Variants in SLC35F3 observed in about 807,000 individuals in gnomAD.
SLC35F3 encodes the protein putative thiamine transporter SLC35F3.
Under a neutral mutation model 49.9 loss-of-function variants are expected in SLC35F3, and 25 were observed. That is an observed-to-expected ratio of 0.50 (90% confidence interval 0.37 to 0.70). The LOEUF is 0.70. Among genes scored for constraint, SLC35F3 ranks in the 30% least tolerant of loss-of-function variants. The pLI, the probability that SLC35F3 is intolerant of heterozygous loss-of-function variation, is 0.00. For missense variants in SLC35F3, 525 were observed against 639.8 expected, an observed-to-expected ratio of 0.82 and a Z score of 1.94; for synonymous variants, 275 against 265.4, an observed-to-expected ratio of 1.04 and a Z score of -0.35.
intron 2 of SLC35F3, among the ~76,000 whole-genome samples, chr1:234,188,756 A>G (rs952634432): frequency 5.9e-5 from 9 of 152,068 alleles, no homozygotes; most frequent in African/African-American, 1.9e-4. Context: ...CAGAACTACA[A>G]TAAACAACAA....
intron 2 of SLC35F3, among the ~76,000 whole-genome samples, chr1:233,914,154 C>G (rs1661930544): frequency 6.6e-6 from 1 of 151,616 alleles, no homozygotes; most frequent in African/African-American, 2.4e-5. Context: ...TAGATTAGAC[C>G]AGGGGTAGAC....
chr1:234,244,524 G>C (rs1049437453), intron 3 of SLC35F3, among the ~76,000 whole-genome samples: 2 of 152,092 alleles, frequency 1.3e-5, no homozygotes, highest in African/African-American at 4.8e-5. Context: ...ATAAGAAGCT[G>C]TTCCTCTATC....
At chr1:233,931,118 C>T (rs955248104) in intron 2 of SLC35F3, among the ~76,000 whole-genome samples, 1 of 152,148 alleles carries the variant, frequency 6.6e-6, no homozygotes, top group African/African-American at 2.4e-5. Context: ...CTTTCTTACA[C>T]CTTATACAAA....
chr1:233,972,008 G>A (rs1663001940), intron 2 of SLC35F3, among the ~76,000 whole-genome samples: 3 of 152,218 alleles, frequency 2.0e-5, no homozygotes, highest in Admixed American at 1.3e-4. Context: ...CAGGGACCCT[G>A]GAGGTGAGGG....
At chr1:233,912,206 G>A (rs906327665) in intron 2 of SLC35F3, among the ~76,000 whole-genome samples, 1 of 152,254 alleles carries the variant, frequency 6.6e-6, no homozygotes, top group Admixed American at 6.5e-5. Flanking sequence ...TTCGCCGTGC[G>A]CGGTGGCTCA....
In SLC35F3 at chr1:234,214,793, G is replaced by C; in HGVS notation, c.284-16624G>C. On this transcript the variant is annotated intron_variant, in intron 2 of 7. Transcript: ENST00000366618. The surrounding 1 kb of genome is among the most constrained non-coding windows in gnomAD (Gnocchi z 8.0). ...GCGAGCAGGAGTGAGCTGCTGCGGCGAGTGAGCACCCGGCTCCCCAACCCT... is the reference window on the plus strand; with the variant it reads ...GCGAGCAGGAGTGAGCTGCTGCGGCCAGTGAGCACCCGGCTCCCCAACCCT... 1 of 536,214 alleles carries C rather than the reference G, an allele frequency of 1.9e-6. No individual in the cohort carries two copies. The highest frequency in any genetic ancestry group is 3.0e-6 in the Non-Finnish European group (1 of 331,222). 33.2% of individuals were successfully genotyped at this position (536,214 alleles called of 1,614,324 possible).
intron 2 of SLC35F3, among the ~76,000 whole-genome samples, chr1:234,060,656 T>G (rs1664526531): frequency 2.0e-5 from 3 of 152,170 alleles, no homozygotes; most frequent in Admixed American, 1.3e-4. Context: ...TTTACCATGT[T>G]GCCCAGTCTG....
At chr1:234,192,050 C>A (rs1055845579) in intron 2 of SLC35F3, among the ~76,000 whole-genome samples, 4 of 152,002 alleles carry the variant, frequency 2.6e-5, no homozygotes, top group South Asian at 2.1e-4. Flanking sequence ...TGGTACCAAT[C>A]CTATTAACAC....
At chr1:234,039,639 A>G (rs1027267778) in intron 2 of SLC35F3, among the ~76,000 whole-genome samples, 1 of 152,168 alleles carries the variant, frequency 6.6e-6, no homozygotes, top group Admixed American at 6.5e-5. Flanking sequence ...CTGCAGCATG[A>G]CAGTTAGTGA....
At chr1:233,997,397 C>T (rs1223133579) in intron 2 of SLC35F3, among the ~76,000 whole-genome samples, 1 of 152,294 alleles carries the variant, frequency 6.6e-6, no homozygotes, top group East Asian at 1.9e-4. Context: ...TTCCTTTTCT[C>T]CACCTCCTCA....
intron 2 of SLC35F3, among the ~76,000 whole-genome samples, chr1:234,125,207 G>A (rs893320622): frequency 1.3e-5 from 2 of 151,970 alleles, no homozygotes; most frequent in African/African-American, 2.4e-5. Flanking sequence ...AGTCACTCAC[G>A]TCCCTTCTTG....
At chr1:234,140,269 A>G (rs764295085) in intron 2 of SLC35F3, among the ~76,000 whole-genome samples, 2 of 152,278 alleles carry the variant, frequency 1.3e-5, no homozygotes, top group Middle Eastern at 6.8e-3. Context: ...CTCATCACGC[A>G]GGCATTTAAT....
In SLC35F3 at chr1:233,905,695, G is replaced by T. The variant is rs1661764511; in HGVS notation, c.220G>T (p.Glu74Ter). ...CGGGCCGGTGGGGCTCACGTCCATCGAGGAGCGGATCCTGCGCATCACTGG... is the reference window on the plus strand; with the variant it reads ...CGGGCCGGTGGGGCTCACGTCCATCTAGGAGCGGATCCTGCGCATCACTGG... ...TSGPVGLTSI[E>*]ERILRITGYY... Residue 74 changes from glutamate to a stop codon, truncating the protein, a stop_gained, in exon 2 of 8, where the codon GAG becomes TAG. Transcript: ENST00000366618. LOFTEE classifies it high-confidence loss of function. 1.2e-6 allele frequency: 2 copies of T among 1,614,210 alleles called. No individual in the cohort carries two copies. Among genetic ancestry groups the T allele is most frequent in the Non-Finnish European group, 1.7e-6 (2 of 1,180,040 alleles).
chr1:234,251,589 C>T (rs549923436), intron 3 of SLC35F3, among the ~76,000 whole-genome samples: 2 of 151,866 alleles, frequency 1.3e-5, no homozygotes, highest in Non-Finnish European at 2.9e-5. Context: ...TAAAAATGTC[C>T]ATCCTTCCTA....
At chr1:234,312,044 A>G (rs1231544862) in intron 4 of SLC35F3, among the ~76,000 whole-genome samples, 1 of 152,214 alleles carries the variant, frequency 6.6e-6, no homozygotes, top group African/African-American at 2.4e-5. Flanking sequence ...TTCCTTCTCA[A>G]TTGGAGGGGG....
intron 2 of SLC35F3, among the ~76,000 whole-genome samples, chr1:233,920,662 C>T (rs750516758): frequency 6.6e-6 from 1 of 152,214 alleles, no homozygotes; most frequent in Non-Finnish European, 1.5e-5. Flanking sequence ...ATGGCACATA[C>T]TGGGATATCA....
intron 2 of SLC35F3, among the ~76,000 whole-genome samples, chr1:234,082,860 G>T (rs765684248): frequency 2.6e-4 from 40 of 152,158 alleles, no homozygotes; most frequent in Admixed American, 4.6e-4. Flanking sequence ...TCTCCCATTG[G>T]GCCCCTCCTA....
intron 2 of SLC35F3, among the ~76,000 whole-genome samples, chr1:234,080,661 CA>C (rs751712592): frequency 2.8e-4 from 43 of 152,090 alleles, no homozygotes; most frequent in Non-Finnish European, 5.3e-4. Flanking sequence ...GCCATACACA[CA>C]AAACTACAAA....
intron 2 of SLC35F3, among the ~76,000 whole-genome samples, chr1:234,128,858 A>G (rs1375419714): frequency 6.6e-6 from 1 of 152,206 alleles, no homozygotes; most frequent in Non-Finnish European, 1.5e-5. Context: ...GGGACACCGC[A>G]GTAGATTCGT....
Sources: gnomAD v4.1 joint callset for allele counts (sites outside exome capture counted in the v4.1 genomes callset) on GRCh38, gnomAD v4.1.1 for gene constraint, Gnocchi (gnomAD v3.1) non-coding constraint, MANE v1.5 for transcripts, NCBI Gene and HGNC (gene_info 2026-07-23, HGNC 2026-07-21) for gene names.